WDR72: variants seen among roughly 807,000 people sequenced by gnomAD.
The protein encoded by WDR72 is WD repeat-containing protein 72.
WDR72 carries 120 observed loss-of-function variants against 124.2 expected under a neutral mutation model. The observed-to-expected ratio is 0.97, with a 90% confidence interval of 0.83 to 1.12. WDR72 has a LOEUF of 1.12. Among genes scored for constraint, WDR72 ranks in the 50% most tolerant of loss-of-function variants. WDR72 has a pLI of 0.00. For synonymous variants in WDR72, 452 were observed against 441.7 expected, an observed-to-expected ratio of 1.02 and a Z score of -0.29; for missense variants, 1,387 against 1,278.8, an observed-to-expected ratio of 1.08 and a Z score of -1.29.
intron 13 of WDR72, among the ~76,000 whole-genome samples, chr15:53,668,965 GAGGAGGAGGAGGAGAAGGAGA>G (rs2015883799): frequency 2.6e-5 from 1 of 38,588 alleles, no homozygotes; most frequent in Non-Finnish European, 8.0e-5. Flanking sequence ...GGAGGAGAAG[GAGGAGGAGGAGGAGAAGGAGA>G]AGGAGGAGGA....
At chr15:53,637,819 T>C (rs1374554892) in intron 14 of WDR72, among the ~76,000 whole-genome samples, 2 of 152,176 alleles carry the variant, frequency 1.3e-5, no homozygotes, top group Admixed American at 1.3e-4. Context: ...TTTTTAGCCT[T>C]AGGCATTCAC....
intron 13 of WDR72, among the ~76,000 whole-genome samples, chr15:53,691,943 A>T (rs1483786456): frequency 3.3e-5 from 5 of 152,220 alleles, no homozygotes; most frequent in African/African-American, 1.2e-4. Flanking sequence ...TTTTTCATTC[A>T]ATAAATATTT....
At chr15:53,680,606 C>T (rs533770082) in intron 13 of WDR72, among the ~76,000 whole-genome samples, 3 of 152,292 alleles carry the variant, frequency 2.0e-5, no homozygotes, top group East Asian at 3.9e-4. Context: ...TTTATTAAAT[C>T]TTCTTATCTT....
rs116785757 is a variant in WDR72, at chr15:53,580,665, G to T, written c.3148+16414C>A. Reference sequence around the variant, plus strand: ...GTTTGTGATTTGTGACTTGAGCCTTGAAACAGGCAGAAGACAACAGCTCAC... The same window carrying T: ...GTTTGTGATTTGTGACTTGAGCCTTTAAACAGGCAGAAGACAACAGCTCAC... On this transcript the variant is annotated intron_variant, in intron 18 of 19. Transcript: ENST00000360509. Among the ~76,000 whole-genome samples the T allele has an allele frequency of 3.1e-3, 475 of 151,928 alleles. 2 individuals carry two copies. The highest frequency in any genetic ancestry group is 0.011 in the African/African-American group (456 of 41,456).
chr15:53,534,581 G>A (rs537765369), intron 18 of WDR72, among the ~76,000 whole-genome samples: 2 of 152,108 alleles, frequency 1.3e-5, no homozygotes, highest in African/African-American at 4.8e-5. Context: ...TCAAGGAAAG[G>A]GTCACTCAAT....
intron 18 of WDR72, among the ~76,000 whole-genome samples, chr15:53,590,042 T>C (rs756902921): frequency 2.6e-5 from 4 of 152,060 alleles, no homozygotes; most frequent in Non-Finnish European, 4.4e-5. Flanking sequence ...ACTACAATGC[T>C]TTTTGAAAAG....
At chr15:53,603,327 G>A (rs900807321) in intron 17 of WDR72, among the ~76,000 whole-genome samples, 1 of 151,950 alleles carries the variant, frequency 6.6e-6, no homozygotes, top group Non-Finnish European at 1.5e-5. Context: ...AGATATTGAA[G>A]GAACATACTT....
intron 13 of WDR72, among the ~76,000 whole-genome samples, chr15:53,684,899 G>GA (rs2016556397): frequency 6.6e-6 from 1 of 152,330 alleles, no homozygotes; most frequent in East Asian, 1.9e-4. Context: ...GTGGGTGCCT[G>GA]ACCCCTGACC....
At chr15:53,541,583 C>T (rs920538463) in intron 18 of WDR72, among the ~76,000 whole-genome samples, 11 of 151,790 alleles carry the variant, frequency 7.2e-5, no homozygotes, top group Non-Finnish European at 1.0e-4. Context: ...AAACGCAGAG[C>T]GCCTCTCCTC....
At chr15:53,547,924 T>C (rs749733826) in intron 18 of WDR72, among the ~76,000 whole-genome samples, 4 of 151,782 alleles carry the variant, frequency 2.6e-5, no homozygotes, top group South Asian at 2.1e-4. Flanking sequence ...TAGCAGTAAA[T>C]GCTGGACAGC....
intron 18 of WDR72, among the ~76,000 whole-genome samples, chr15:53,569,002 A>C (rs1176348611): frequency 6.6e-6 from 1 of 151,986 alleles, no homozygotes; most frequent in Admixed American, 6.6e-5. Context: ...TTTTTCTTAG[A>C]GTAATTGGGA....
chr15:53,525,598 A>G (rs1892070260), intron 18 of WDR72, among the ~76,000 whole-genome samples: 1 of 152,036 alleles, frequency 6.6e-6, no homozygotes, highest in South Asian at 2.1e-4. Flanking sequence ...CTTTGTGGCA[A>G]TAAAGTGGTC....
chr15:53,525,451 CCATT>C (rs1892060797), intron 18 of WDR72, among the ~76,000 whole-genome samples: 1 of 152,032 alleles, frequency 6.6e-6, no homozygotes, highest in Admixed American at 6.6e-5. Context: ...AAAAATTCCT[CCATT>C]CATTCATTTA....
chr15:53,655,854 G>C (rs2015403777), intron 14 of WDR72, among the ~76,000 whole-genome samples: 1 of 152,122 alleles, frequency 6.6e-6, no homozygotes, highest in African/African-American at 2.4e-5. Context: ...CACCACGCCT[G>C]ACTAATTTTT....
At chr15:53,722,618 T>C (rs2017908645) in intron 3 of WDR72, among the ~76,000 whole-genome samples, 184 bp downstream of exon 3, 3 of 152,224 alleles carry the variant, frequency 2.0e-5, no homozygotes, top group Non-Finnish European at 4.4e-5. Flanking sequence ...GGGTTCATAA[T>C]ACTGATTACA....
chr15:53,542,509 G>T (rs1402281655), intron 18 of WDR72, among the ~76,000 whole-genome samples: 1 of 38,760 alleles, frequency 2.6e-5, no homozygotes, highest in Non-Finnish European at 4.7e-5. Flanking sequence ...AACATGGAAA[G>T]GAACAACCGG....
intron 13 of WDR72, among the ~76,000 whole-genome samples, chr15:53,686,536 C>G (rs559382140): frequency 6.6e-6 from 1 of 151,936 alleles, no homozygotes; most frequent in Non-Finnish European, 1.5e-5. Context: ...ATGCACTCAA[C>G]ACAAGAGCAC....
At chr15:53,552,272 A>G (rs1893762533) in intron 18 of WDR72, among the ~76,000 whole-genome samples, 1 of 152,126 alleles carries the variant, frequency 6.6e-6, no homozygotes, top group Non-Finnish European at 1.5e-5. Flanking sequence ...TGTTTAGTGT[A>G]TTAATGCCTC....
chr15:53,567,889 A>G (rs1894359653), intron 18 of WDR72, among the ~76,000 whole-genome samples: 2 of 151,606 alleles, frequency 1.3e-5, no homozygotes, highest in African/African-American at 4.8e-5. Context: ...GATAAAAAAC[A>G]AATAATCATT....
Sources: gnomAD v4.1 joint callset for allele counts (sites outside exome capture counted in the v4.1 genomes callset) on GRCh38, gnomAD v4.1.1 for gene constraint, MANE v1.5 for transcripts, NCBI Gene and HGNC (gene_info 2026-07-23, HGNC 2026-07-21) for gene names.